The following BZW2 variants were observed in gnomAD, a reference collection of about 807,000 sequenced individuals.
BZW2 encodes eIF5-mimic protein 1.
A neutral mutation model predicts 53.2 loss-of-function variants in BZW2; 23 were observed. The observed-to-expected ratio is 0.43, with a 90% CI of 0.31 to 0.61. The LOEUF (loss-of-function observed/expected upper bound fraction) is 0.61. Among genes scored for constraint, BZW2 ranks in the 20% least tolerant of loss-of-function variants. The pLI, the probability that BZW2 is intolerant of heterozygous loss-of-function variation, is 0.09. For missense variants in BZW2, 409 were observed against 503.1 expected, an observed-to-expected ratio of 0.81 and a Z score of 1.79; for synonymous variants, 227 against 186.4, an observed-to-expected ratio of 1.22 and a Z score of -1.77.
intron 10 of BZW2, among the ~76,000 whole-genome samples, chr7:16,703,154 T>A (rs914817702): frequency 2.0e-5 from 3 of 152,110 alleles, no homozygotes; most frequent in African/African-American, 7.2e-5. Context: ...AGTGGAGAGC[T>A]GGAAACAAAG....
rs145544482 is a variant in BZW2, at chr7:16,647,875, A to G, written c.-8+1587A>G. Among the ~76,000 whole-genome samples the G allele has an allele frequency of 2.9e-3, 447 of 152,344 alleles. 2 individuals carry two copies. The highest frequency in any genetic ancestry group is 0.01 in the African/African-American group (428 of 41,578). ...TGCTAGTATTTCCATCTCTTGTGCC[A>G]AATCTGGGCCATGGTTACTTGAAGG... is the stretch of plus-strand genomic sequence containing the variant. On this transcript the variant is annotated intron_variant, in intron 1 of 11. Coordinates refer to ENST00000258761, the MANE Select transcript of BZW2 (RefSeq NM_014038.3).
At chr7:16,691,316 C>A (rs1034616107) in intron 7 of BZW2, among the ~76,000 whole-genome samples, 64 of 152,144 alleles carry the variant, frequency 4.2e-4, no homozygotes, top group African/African-American at 1.5e-3. Context: ...AGGGCAAATC[C>A]CTGTAAACAG....
intron 4 of BZW2, among the ~76,000 whole-genome samples, chr7:16,682,002 T>C (rs1782960500): frequency 6.6e-6 from 1 of 152,212 alleles, no homozygotes; most frequent in East Asian, 1.9e-4. Context: ...TAATGCAATT[T>C]ATTTCTTTTT....
intron 1 of BZW2, among the ~76,000 whole-genome samples, chr7:16,656,932 AT>A (rs370641776): frequency 2.0e-5 from 3 of 151,232 alleles, no homozygotes; most frequent in Admixed American, 6.6e-5. Flanking sequence ...ATCTAGCTTG[AT>A]TTTTTTTTAG....
intron 3 of BZW2, among the ~76,000 whole-genome samples, chr7:16,676,530 T>C (rs1782770813): frequency 6.6e-6 from 1 of 152,048 alleles, no homozygotes; most frequent in South Asian, 2.1e-4. Context: ...AAAAGGAACA[T>C]TATATTTAAT....
At chr7:16,690,828 T>C (rs1783279585) in intron 7 of BZW2, among the ~76,000 whole-genome samples, 1 of 152,236 alleles carries the variant, frequency 6.6e-6, no homozygotes, top group African/African-American at 2.4e-5. Context: ...AATTTCTTTC[T>C]TCTTGATGCA....
In BZW2 at chr7:16,689,913, G is replaced by A; in HGVS notation, c.651+7G>A. On this transcript the variant is annotated splice_region_variant and intron_variant, in intron 7 of 11. Coordinates refer to ENST00000258761, the MANE Select transcript of BZW2 (RefSeq NM_014038.3). ...CTTAGACAAGAGGCTGCTTGTAAGT[G>A]TTTTCTGGTTAAAGAGTTGTATGTA... 1 of 1,603,926 alleles carries A rather than the reference G, an allele frequency of 6.2e-7. No homozygotes were observed. Among genetic ancestry groups the A allele is most frequent in the East Asian group, 2.2e-5 (1 of 44,684 alleles).
At chr7:16,678,991 C>T (rs905681016) in intron 3 of BZW2, among the ~76,000 whole-genome samples, 1 of 151,768 alleles carries the variant, frequency 6.6e-6, no homozygotes, top group African/African-American at 2.4e-5. Flanking sequence ...AAGGCCAGGG[C>T]GAAATTAGAA....
At chr7:16,657,642 CTG>C in intron 1 of BZW2, among the ~76,000 whole-genome samples, 1 of 152,044 alleles carries the variant, frequency 6.6e-6, no homozygotes. Flanking sequence ...TACATTCTAA[CTG>C]TACTTTTGGT....
At chr7:16,665,905 T>G (rs937988070) in intron 2 of BZW2, among the ~76,000 whole-genome samples, 2 of 152,116 alleles carry the variant, frequency 1.3e-5, no homozygotes, top group Non-Finnish European at 2.9e-5. Flanking sequence ...GTTTTTTAAT[T>G]TTTCAGAAAT....
intron 1 of BZW2, chr7:16,661,177 T>G (rs1782249935): frequency 6.6e-6 from 1 of 151,988 alleles, no homozygotes; most frequent in East Asian, 1.9e-4. Flanking sequence ...ACCAGAGCAG[T>G]CAAAAATAGA....
intron 5 of BZW2, among the ~76,000 whole-genome samples, chr7:16,685,513 G>A (rs940903599): frequency 9.2e-5 from 14 of 151,808 alleles, no homozygotes; most frequent in Admixed American, 2.0e-4. Context: ...GGAAGAGGTA[G>A]TCGCCCAAGG....
intron 5 of BZW2, among the ~76,000 whole-genome samples, chr7:16,684,220 G>A (rs1191621219): frequency 1.3e-5 from 2 of 152,180 alleles, no homozygotes; most frequent in Admixed American, 1.3e-4. Context: ...GAGGTGCAAA[G>A]CAACCATTTG....
chr7:16,697,597 A>G (rs909853793), intron 9 of BZW2, among the ~76,000 whole-genome samples: 2 of 152,214 alleles, frequency 1.3e-5, no homozygotes, highest in Non-Finnish European at 2.9e-5. Context: ...CAGAAAAACA[A>G]TGGCTATGCC....
Position 16,674,464 on chromosome 7 carries a change from G to T in BZW2, c.111G>T (p.Gly37=), listed in dbSNP as rs760636063. The part of the protein sequence containing the change: ...PTVFRDTLVQ[G]LNEAGDDLEA... ...TCTTCAGGGATACACTTGTCCAGGG[G>T]CTTAATGAGGCTGGTGATGACCTTG... Residue 37 remains glycine, a synonymous_variant, in exon 3 of 12, where the codon GGG becomes GGT. Transcript: ENST00000258761. 1 of 1,612,948 alleles carries T rather than the reference G, an allele frequency of 6.2e-7. No individual in the cohort carries two copies.
intron 2 of BZW2, among the ~76,000 whole-genome samples, chr7:16,673,886 A>G (rs1782683997): frequency 6.6e-6 from 1 of 152,094 alleles, no homozygotes; most frequent in East Asian, 1.9e-4. Flanking sequence ...GTACTCTGCA[A>G]TAAGTTATTA....
intron 3 of BZW2, among the ~76,000 whole-genome samples, chr7:16,675,046 A>C (rs1782724708): frequency 6.6e-6 from 1 of 152,234 alleles, no homozygotes; most frequent in African/African-American, 2.4e-5. Flanking sequence ...GTAAGTAGAA[A>C]AATTAAAGAT....
At chr7:16,665,394 C>A (rs1172111573) in intron 1 of BZW2, 43 bp from the exon 2 acceptor site, 12 of 1,611,218 alleles carry the variant, frequency 7.4e-6, no homozygotes, top group Non-Finnish European at 9.3e-6. Flanking sequence ...TCCATATAAA[C>A]TGCTTATCTG....
At chr7:16,704,500 C>T (rs1237922450) in intron 10 of BZW2, 47 bp from the exon 11 acceptor site, 6 of 1,465,614 alleles carry the variant, frequency 4.1e-6, no homozygotes, top group Non-Finnish European at 5.5e-6. Context: ...TGTTTTGAAA[C>T]ATGACATTTG....
Sources: allele counts gnomAD v4.1 joint callset (sites outside exome capture counted in the v4.1 genomes callset), GRCh38; gene constraint gnomAD v4.1.1; transcripts MANE v1.5; gene names NCBI Gene and HGNC (gene_info 2026-07-23, HGNC 2026-07-21).